TNRC6B: variants seen among roughly 807,000 people sequenced by gnomAD.
TNRC6B encodes the protein trinucleotide repeat containing adaptor 6B.
A neutral mutation model predicts 203.6 loss-of-function variants in TNRC6B; 52 were observed. The ratio of observed to expected loss-of-function variants is 0.26; its 90% CI spans 0.20 to 0.32. TNRC6B has a LOEUF of 0.32. Ranked by LOEUF, TNRC6B falls within the 10% of genes least tolerant of loss-of-function variation. TNRC6B has a pLI of 1.00. For synonymous variants in TNRC6B, 838 were observed against 845.7 expected (o/e 0.99, Z 0.16); for missense variants, 1,923 against 2,286.2 (o/e 0.84, Z 3.24).
chr22:40,259,381 G>A (rs751764252), intron 3 of TNRC6B, among the ~76,000 whole-genome samples: 11 of 152,032 alleles, frequency 7.2e-5, no homozygotes, highest in African/African-American at 2.4e-4. Context: ...ATGCCACCAC[G>A]CCCAGCTAAT....
At chr22:40,261,508 G>A (rs1048626876) in intron 3 of TNRC6B, among the ~76,000 whole-genome samples, 2 of 151,866 alleles carry the variant, frequency 1.3e-5, no homozygotes, top group African/African-American at 4.8e-5. Context: ...AACCTGGGAG[G>A]CGGAGGTTGC....
Position 40,266,833 on chromosome 22 carries a change from A to G in TNRC6B, c.2603A>G (p.Lys868Arg), listed in dbSNP as rs1193426588. The G allele has an allele frequency of 6.2e-7, 1 of 1,613,982 alleles. No homozygotes were observed. The highest frequency in any genetic ancestry group is 1.1e-5 in the South Asian group (1 of 91,070). The change falls in exon 5 of 23, where the codon AAG becomes AGG. Residue 868 changes from lysine (K) to arginine (R), a missense_variant. Around this residue, in one of 8 missense-constraint regions of TNRC6B, gnomAD observed 599 missense variants for 656.5 expected, o/e 0.91. Coordinates refer to ENST00000454349, the MANE Select transcript of TNRC6B (RefSeq NM_001162501.2). ...AGCGGGCCACAGCCTGCAACACCTA[A>G]GGATGAGGAACCCAGTGGTTGGGAA... Reference protein sequence around the residue: ...WSSGPQPATPKDEEPSGWEEP... With the variant: ...WSSGPQPATPRDEEPSGWEEP...
At chr22:40,108,090 C>A (rs1197105882) in intron 1 of TNRC6B, among the ~76,000 whole-genome samples, 1 of 152,066 alleles carries the variant, frequency 6.6e-6, no homozygotes, top group African/African-American at 2.4e-5. Context: ...GACTTTGAGA[C>A]TGCAGCAGGG....
rs1269902368 is a variant in TNRC6B at position 40,330,134 on chromosome 22, AT to A, written c.*6895del. 6.6e-6 allele frequency: 1 copy of A among 152,234 alleles called. No homozygotes were observed. The highest frequency in any genetic ancestry group is 1.5e-5 in the Non-Finnish European group (1 of 68,044). 9.4% of individuals were successfully genotyped at this position (152,234 alleles called of 1,614,324 possible). A position where few individuals can be genotyped will look rare whatever the true frequency, so the allele number is the denominator to read the frequency against. The stretch of plus-strand genomic sequence containing the variant: ...TCATTGCTTTGGAAATAAATTCCCA[AT>A]TATAATTGACCCATATCTAGCCAAT... On this transcript the variant is annotated 3_prime_UTR_variant, in exon 23 of 23. Coordinates refer to ENST00000454349, the MANE Select transcript of TNRC6B (RefSeq NM_001162501.2).
At chr22:40,322,118 T>C (rs1447537563) in intron 22 of TNRC6B, among the ~76,000 whole-genome samples, 2 of 152,216 alleles carry the variant, frequency 1.3e-5, no homozygotes, top group African/African-American at 4.8e-5. Context: ...GTTGCTTCGA[T>C]GCTTTGGGTA....
chr22:40,173,794 T>TATATATATATATATAA (rs201025367), upstream of TNRC6B, among the ~76,000 whole-genome samples: 8 of 31,448 alleles, frequency 2.5e-4, no homozygotes, highest in African/African-American at 4.4e-4. Context: ...TATATATATA[T>TATATATATATATATAA]TTTTTTTTTT....
chr22:40,092,055 A>C (rs1308281448), intron 1 of TNRC6B, among the ~76,000 whole-genome samples: 1 of 152,218 alleles, frequency 6.6e-6, no homozygotes, highest in East Asian at 1.9e-4. Flanking sequence ...GAAGAGTCAC[A>C]AAACACTCAA....
At position 40,143,657 on chromosome 22, in the gene TNRC6B, C is replaced by T. The variant is rs183324419; in HGVS notation, c.46-12458C>T. On this transcript the variant is annotated intron_variant, in intron 3 of 23. Transcript: ENST00000301923. ...GACTACAGGCGCCCACCACCACGCCCCGCTAATTTTTTGTATTTTTAGTAG... is the reference window on the plus strand; with the variant it reads ...GACTACAGGCGCCCACCACCACGCCTCGCTAATTTTTTGTATTTTTAGTAG... Among the ~76,000 whole-genome samples the T allele has an allele frequency of 1.8e-3, 281 of 152,168 alleles. 2 individuals are homozygous for T. The highest frequency in any genetic ancestry group is 3.4e-3 in the Non-Finnish European group (234 of 68,006).
intron 1 of TNRC6B, among the ~76,000 whole-genome samples, chr22:40,062,093 TAC>T (rs2067858412): frequency 1.3e-5 from 2 of 152,102 alleles, no homozygotes; most frequent in African/African-American, 4.8e-5. Flanking sequence ...AAGAAAACTT[TAC>T]AACTATATGT....
intron 1 of TNRC6B, among the ~76,000 whole-genome samples, chr22:40,207,799 T>C (rs2069502228): frequency 6.6e-6 from 1 of 151,914 alleles, no homozygotes; most frequent in Non-Finnish European, 1.5e-5. Context: ...ACTCATAAAA[T>C]TGGCAAAAAT....
rs752684346 is a variant in TNRC6B, at chr22:40,323,177, G to C, written c.5438G>C (p.Arg1813Thr). 8 of 1,613,666 alleles carry C rather than the reference G, an allele frequency of 5.0e-6. No individual in the cohort carries two copies. Among genetic ancestry groups the C allele is most frequent in the Non-Finnish European group, 6.8e-6 (8 of 1,179,882 alleles). The change falls in exon 23 of 23, where the codon AGG (arginine) becomes ACG (threonine). Residue 1813 changes from arginine (R) to threonine (T), a missense_variant. Coordinates refer to ENST00000454349, the MANE Select transcript of TNRC6B (RefSeq NM_001162501.2). ...WGVPTVEDPH[R>T]MGSPAPLLPG... ...GTCCCAACGGTGGAAGATCCCCATA[G>C]GATGGGCAGCCCTGCTCCTTTACTA...
At chr22:40,188,083 C>T (rs1272179490) in intron 1 of TNRC6B, among the ~76,000 whole-genome samples, 1 of 152,066 alleles carries the variant, frequency 6.6e-6, no homozygotes, top group Non-Finnish European at 1.5e-5. Flanking sequence ...TAGCTGGGCG[C>T]CTGTAATCCC....
At chr22:40,121,184 C>T (rs1240573610) in intron 2 of TNRC6B, among the ~76,000 whole-genome samples, 1 of 152,156 alleles carries the variant, frequency 6.6e-6, no homozygotes, top group Admixed American at 6.5e-5. Context: ...AAGTCTAGGT[C>T]AGCCAGGGTT....
At position 40,331,044 on chromosome 22, in the gene TNRC6B, G is replaced by C. The variant is rs538758148; in HGVS notation, c.*7803G>C. 2.0e-5 allele frequency: 3 copies of C among 152,738 alleles called. No individual in the cohort carries two copies. The highest frequency in any genetic ancestry group is 1.3e-4 in the Admixed American group (2 of 15,288). The allele number at this position is 152,738 out of a possible 1,614,324, so 9.5% of individuals were successfully genotyped here. A position where few individuals can be genotyped will look rare whatever the true frequency, so the allele number is the denominator to read the frequency against. On this transcript the variant is annotated 3_prime_UTR_variant, in exon 23 of 23. Transcript: ENST00000454349. The stretch of plus-strand genomic sequence containing the variant: ...TGTGGCTTTGGCTGTTTTGTTTTTT[G>C]TTTTTCTGTAAGCACTGGAGAATTG...
chr22:40,120,305 C>T (rs1002663802), intron 2 of TNRC6B, among the ~76,000 whole-genome samples: 7 of 148,168 alleles, frequency 4.7e-5, no homozygotes, highest in Admixed American at 3.3e-4. Context: ...CACTGCACTT[C>T]AGCCTGGGTG....
intron 1 of TNRC6B, among the ~76,000 whole-genome samples, chr22:40,113,559 G>A (rs1265192769): frequency 6.6e-6 from 1 of 152,188 alleles, no homozygotes; most frequent in Non-Finnish European, 1.5e-5. Context: ...GTTTCACCAG[G>A]TTGCCCAGGC....
intron 3 of TNRC6B, among the ~76,000 whole-genome samples, chr22:40,149,040 C>T (rs934905335): frequency 2.8e-4 from 42 of 152,154 alleles, no homozygotes; most frequent in African/African-American, 1.0e-3. Context: ...CTAATACACC[C>T]TCCTAGGTAT....
At chr22:40,106,700 A>G (rs2068286443) in intron 1 of TNRC6B, 3 of 759,226 alleles carry the variant, frequency 4.0e-6, no homozygotes, top group Non-Finnish European at 7.2e-6. Context: ...GAGCTTCACA[A>G]ACGTTCCATT....
chr22:40,277,007 C>A, intron 7 of TNRC6B, 70 bp from the exon 8 acceptor site: 4 of 1,189,744 alleles, frequency 3.4e-6, no homozygotes, highest in Admixed American at 2.9e-5. Context: ...CATTTTCAGT[C>A]TGTATTAATA....
Sources: gnomAD v4.1 joint callset for allele counts (sites outside exome capture counted in the v4.1 genomes callset) on GRCh38, gnomAD v4.1.1 for gene constraint, gnomAD v4.1.1 regional missense constraint, MANE v1.5 for transcripts, NCBI Gene and HGNC (gene_info 2026-07-23, HGNC 2026-07-21) for gene names.